The following DPP6 variants were observed in gnomAD, a reference collection of about 807,000 sequenced individuals.
The protein encoded by DPP6 is dipeptidyl peptidase like 6.
A neutral mutation model predicts 122.6 loss-of-function variants in DPP6; 69 were observed. The ratio of observed to expected loss-of-function variants is 0.56; its 90% CI spans 0.46 to 0.69. The LOEUF (loss-of-function observed/expected upper bound fraction) is 0.69, where lower values mean the gene tolerates loss of function less well. Ranked by LOEUF, DPP6 falls within the 30% of genes least tolerant of loss-of-function variation. The probability of loss-of-function intolerance (pLI) is 0.00; values close to 1 mark genes in which losing one functional copy is unlikely to be tolerated. For synonymous variants in DPP6, 418 were observed against 433.1 expected (o/e 0.97, Z 0.43); for missense variants, 928 against 1,116.9 (o/e 0.83, Z 2.41).
chr7:154,671,196 T>TC (rs142751727), intron 7 of DPP6, among the ~76,000 whole-genome samples: 18,432 of 152,158 alleles, frequency 0.12, 1,189 homozygotes, highest in African/African-American at 0.16. Context: ...CCTCTGAAAG[T>TC]CTGTGATTGA....
chr7:154,609,573 T>TCA (rs990796091), intron 5 of DPP6, among the ~76,000 whole-genome samples: 9 of 152,264 alleles, frequency 5.9e-5, no homozygotes, highest in African/African-American at 2.2e-4. Context: ...TCTCTCTCAT[T>TCA]CACACACACA....
chr7:154,590,241 G>A (rs749454718), intron 5 of DPP6, among the ~76,000 whole-genome samples: 16 of 152,114 alleles, frequency 1.1e-4, no homozygotes, highest in Non-Finnish European at 2.2e-4. Context: ...ATCTCTAGCC[G>A]TTTCAATCCC....
intron 1 of DPP6, among the ~76,000 whole-genome samples, chr7:154,332,852 C>T (rs1197755327): frequency 6.6e-6 from 1 of 152,194 alleles, no homozygotes; most frequent in African/African-American, 2.4e-5. Flanking sequence ...TCACCGTGCC[C>T]GCCCAGTATC....
intron 7 of DPP6, among the ~76,000 whole-genome samples, chr7:154,709,188 CA>C (rs1389925685): frequency 2.0e-5 from 3 of 152,168 alleles, no homozygotes; most frequent in Non-Finnish European, 4.4e-5. Flanking sequence ...AAATGAAATA[CA>C]ACAAAGTTGA....
At chr7:154,508,378 AGCTGGT>A (rs1306938517) in intron 3 of DPP6, among the ~76,000 whole-genome samples, 2 of 152,158 alleles carry the variant, frequency 1.3e-5, no homozygotes, top group Non-Finnish European at 2.9e-5. Flanking sequence ...GGTTCCCTCC[AGCTGGT>A]GACTGTGGTA....
Position 154,501,306 on chromosome 7 carries a change from A to G in DPP6, c.457+26269A>G, listed in dbSNP as rs138566975. Among the ~76,000 whole-genome samples the G allele has an allele frequency of 5.7e-3, 774 of 136,498 alleles. 11 individuals are homozygous for G. Among genetic ancestry groups the G allele is most frequent in the African/African-American group, 0.019 (701 of 36,856 alleles). 89.5% of individuals were successfully genotyped at this position (136,498 alleles called of 152,430 possible). On this transcript the variant is annotated intron_variant, in intron 3 of 25. Coordinates refer to ENST00000377770, the MANE Select transcript of DPP6 (RefSeq NM_130797.4). ...ATTCAAGCCAGCTGCAGACATTTGC[A>G]TAAGTAATGAGGAGTAAAATGTTAA...
chr7:153,807,330 G>T, the DPP6 span, among the ~76,000 whole-genome samples: 1 of 151,688 alleles, frequency 6.6e-6, no homozygotes, highest in Non-Finnish European at 1.5e-5. Context: ...TTGAACCAGG[G>T]AGGTGGAGGT....
intron 3 of DPP6, among the ~76,000 whole-genome samples, chr7:154,526,113 C>T (rs1038446608): frequency 1.3e-5 from 2 of 152,204 alleles, no homozygotes; most frequent in East Asian, 3.8e-4. Context: ...GCTCCTGCTA[C>T]AATATAAGCC....
chr7:153,830,650 C>T, the DPP6 span, among the ~76,000 whole-genome samples: 1 of 152,122 alleles, frequency 6.6e-6, no homozygotes, highest in African/African-American at 2.4e-5. Context: ...TTCTTGTGCT[C>T]GTGCTTGGTA....
chr7:154,133,276 A>AT (rs1426764309), intron 1 of DPP6, among the ~76,000 whole-genome samples: 1 of 152,104 alleles, frequency 6.6e-6, no homozygotes, highest in Non-Finnish European at 1.5e-5. Flanking sequence ...CACCCTTTGC[A>AT]TTGCTTCCTG....
chr7:154,862,573 C>T (rs1033479993), intron 17 of DPP6, among the ~76,000 whole-genome samples: 4 of 152,216 alleles, frequency 2.6e-5, no homozygotes, highest in South Asian at 2.1e-4. Flanking sequence ...TTCCTCTCTA[C>T]TACCTAATGC....
chr7:154,848,954 A>G (rs1802158025), intron 16 of DPP6, among the ~76,000 whole-genome samples: 1 of 147,768 alleles, frequency 6.8e-6, no homozygotes, highest in Non-Finnish European at 1.5e-5. Context: ...CATCTTTGTG[A>G]AAAATAAATT....
intron 1 of DPP6, among the ~76,000 whole-genome samples, chr7:154,400,425 A>G (rs1441394205): frequency 6.6e-6 from 1 of 152,216 alleles, no homozygotes; most frequent in Non-Finnish European, 1.5e-5. Context: ...TTTGGACCCA[A>G]GAATCTTTTT....
At chr7:153,758,413 C>T in the DPP6 span, among the ~76,000 whole-genome samples, 1 of 152,040 alleles carries the variant, frequency 6.6e-6, no homozygotes, top group African/African-American at 2.4e-5. Context: ...TAAGTATTGA[C>T]GTGTGCACAT....
intron 1 of DPP6, among the ~76,000 whole-genome samples, chr7:154,156,337 TG>T (rs1475375917): frequency 6.6e-6 from 1 of 152,194 alleles, no homozygotes; most frequent in Non-Finnish European, 1.5e-5. Context: ...ACAGGAGTCC[TG>T]AAAAAAGTAT....
intron 1 of DPP6, among the ~76,000 whole-genome samples, chr7:154,229,546 TCA>T (rs1800795027): frequency 6.6e-6 from 1 of 152,228 alleles, no homozygotes; most frequent in Non-Finnish European, 1.5e-5. Flanking sequence ...ATGTTTTTCC[TCA>T]CAAATTGATG....
At chr7:154,458,271 C>G (rs61297102) in intron 2 of DPP6, among the ~76,000 whole-genome samples, 6,503 of 152,204 alleles carry the variant, frequency 0.043, 286 homozygotes, top group East Asian at 0.11. Flanking sequence ...GTGAATAAGT[C>G]TCATGAGACC....
At chr7:154,035,237 C>T (rs570937229) in intron 1 of DPP6, among the ~76,000 whole-genome samples, 11 of 152,288 alleles carry the variant, frequency 7.2e-5, no homozygotes, top group South Asian at 2.1e-4. Context: ...TTCATGAGGG[C>T]GTGAAGGCTC....
chr7:154,435,282 G>A (rs1818766594), intron 1 of DPP6, among the ~76,000 whole-genome samples: 1 of 152,042 alleles, frequency 6.6e-6, no homozygotes, highest in African/African-American at 2.4e-5. Context: ...AAAGAGGGAG[G>A]AATGGGAGGG....
Sources: allele counts gnomAD v4.1 joint callset (sites outside exome capture counted in the v4.1 genomes callset), GRCh38; gene constraint gnomAD v4.1.1; transcripts MANE v1.5; gene names NCBI Gene and HGNC (gene_info 2026-07-23, HGNC 2026-07-21).